The following SHISA9 variants were observed in gnomAD, a reference collection of about 807,000 sequenced individuals.
SHISA9 encodes shisa family member 9.
Under a neutral mutation model 38.0 loss-of-function variants are expected in SHISA9, and 13 were observed. That is an observed-to-expected ratio of 0.34 (90% confidence interval 0.22 to 0.54). The LOEUF is 0.54. Among genes scored for constraint, SHISA9 ranks in the 20% least tolerant of loss-of-function variants. SHISA9 has a pLI of 0.91. For missense variants in SHISA9, 538 were observed against 575.8 expected (o/e 0.93, Z 0.67); for synonymous variants, 275 against 242.0 (o/e 1.14, Z -1.27).
chr16:13,255,485 C>T, the SHISA9 span, among the ~76,000 whole-genome samples: 3 of 152,088 alleles, frequency 2.0e-5, no homozygotes, highest in African/African-American at 7.2e-5. Flanking sequence ...CACATTAAAC[C>T]ATCACTGCCA....
chr16:13,223,081 G>A (rs1402539272), intron 4 of SHISA9, among the ~76,000 whole-genome samples: 3 of 152,120 alleles, frequency 2.0e-5, no homozygotes, highest in Non-Finnish European at 4.4e-5. Flanking sequence ...TCCATCTGCT[G>A]TCAAAGTTTA....
At chr16:13,037,386 T>C (rs927351113) in intron 2 of SHISA9, among the ~76,000 whole-genome samples, 3 of 151,520 alleles carry the variant, frequency 2.0e-5, no homozygotes, top group Non-Finnish European at 4.4e-5. Flanking sequence ...GTTCTCATAC[T>C]ATAGAAACAA....
intron 2 of SHISA9, among the ~76,000 whole-genome samples, chr16:12,946,917 C>T (rs1342713260): frequency 1.3e-5 from 2 of 152,246 alleles, no homozygotes; most frequent in East Asian, 3.9e-4. Flanking sequence ...CACAGACACG[C>T]TCATTTTTTC....
intron 2 of SHISA9, among the ~76,000 whole-genome samples, chr16:13,135,866 G>A (rs1149420): frequency 0.18 from 27,608 of 152,072 alleles, 2,621 homozygotes; most frequent in African/African-American, 0.2. Context: ...CCATTTTGTT[G>A]CTTAAGGGTT....
the SHISA9 span, among the ~76,000 whole-genome samples, chr16:13,355,057 A>G: frequency 4.0e-5 from 6 of 149,826 alleles, no homozygotes; most frequent in Admixed American, 1.3e-4. Context: ...TTTGAGATCT[A>G]GAACAGAATA....
At chr16:13,430,132 C>T in the SHISA9 span, among the ~76,000 whole-genome samples, 8 of 152,168 alleles carry the variant, frequency 5.3e-5, no homozygotes, top group Non-Finnish European at 1.2e-4. Context: ...AAAAAATAAC[C>T]CTGCTGACAC....
At chr16:13,157,550 A>T (rs1372025078) in intron 2 of SHISA9, among the ~76,000 whole-genome samples, 1 of 152,210 alleles carries the variant, frequency 6.6e-6, no homozygotes, top group African/African-American at 2.4e-5. Flanking sequence ...GAATTCATAC[A>T]TGGAAAGTAC....
rs1034228391 is a variant in SHISA9 at position 13,023,829 on chromosome 16, T to C, written c.691+107014T>C. The stretch of plus-strand genomic sequence containing the variant: ...TCCATAGATGAAAGACCTCTTTTTC[T>C]AAATGAGGTCACATTCATAGGTTCT... On this transcript the variant is annotated intron_variant, in intron 2 of 4. Transcript: ENST00000558583. Among the ~76,000 whole-genome samples the C allele has an allele frequency of 5.9e-5, 9 of 152,340 alleles. No homozygotes were observed. The East Asian group carries it at 1.5e-3, about 26-fold the overall frequency.
At chr16:13,268,587 C>A in the SHISA9 span, among the ~76,000 whole-genome samples, 1 of 152,080 alleles carries the variant, frequency 6.6e-6, no homozygotes, top group African/African-American at 2.4e-5. Flanking sequence ...TAATGTTCCC[C>A]ATGTAGAGGA....
chr16:13,080,004 G>A (rs1489824265), intron 2 of SHISA9, among the ~76,000 whole-genome samples: 1 of 152,150 alleles, frequency 6.6e-6, no homozygotes, highest in Non-Finnish European at 1.5e-5. Context: ...CCTTTGAGAA[G>A]GGAAGGCCGG....
At chr16:13,416,138 C>A in the SHISA9 span, among the ~76,000 whole-genome samples, 2 of 151,838 alleles carry the variant, frequency 1.3e-5, no homozygotes, top group African/African-American at 4.8e-5. Context: ...TGAAAAAAAA[C>A]CTCAAAAAGT....
At chr16:13,560,338 A>G in the SHISA9 span, among the ~76,000 whole-genome samples, 2 of 152,204 alleles carry the variant, frequency 1.3e-5, no homozygotes, top group South Asian at 2.1e-4. Context: ...ACCAATCACC[A>G]TAGCCAGGAG....
At chr16:13,254,815 C>T in the SHISA9 span, among the ~76,000 whole-genome samples, 1 of 152,330 alleles carries the variant, frequency 6.6e-6, no homozygotes, top group African/African-American at 2.4e-5. Flanking sequence ...ACAGTCCCTT[C>T]CGGGCTTGTT....
intron 4 of SHISA9, among the ~76,000 whole-genome samples, chr16:13,213,928 T>C (rs2051143794): frequency 6.6e-6 from 1 of 152,188 alleles, no homozygotes; most frequent in Admixed American, 6.5e-5. Flanking sequence ...TCTATGATGA[T>C]CAGGCTGTGT....
chr16:13,012,128 T>C (rs2072685121), intron 2 of SHISA9, among the ~76,000 whole-genome samples: 1 of 151,486 alleles, frequency 6.6e-6, no homozygotes, highest in South Asian at 2.1e-4. Context: ...GCCCAGCCCT[T>C]TTTTTTTTCT....
Position 13,213,280 on chromosome 16 carries a change from C to T in SHISA9, c.875C>T (p.Ser292Leu), listed in dbSNP as rs751228461. ...AGTTCTGATGGTGACTGGGCAGTATCGACACTTAAGTCACCAAAAGGTACT... is the reference window on the plus strand; with the variant it reads ...AGTTCTGATGGTGACTGGGCAGTATTGACACTTAAGTCACCAAAAGGTACT... ...VGSSDGDWAVSTLKSPKADKV... is the reference protein window; with the variant it reads ...VGSSDGDWAVLTLKSPKADKV... Residue 292 changes from serine (S) to leucine (L), a missense_variant, in exon 4 of 5, where the codon TCG becomes TTG. Physicochemically the swap from Ser to Leu is moderately radical, Grantham distance 145. Around this residue, in one of 4 missense-constraint regions of SHISA9, gnomAD observed 326 missense variants for 305.9 expected, o/e 1.07. Coordinates refer to ENST00000558583, the MANE Select transcript of SHISA9 (RefSeq NM_001145204.3). 5.3e-5 allele frequency: 82 copies of T among 1,551,682 alleles called. No individual in the cohort carries two copies. The highest frequency in any genetic ancestry group is 6.5e-5 in the Non-Finnish European group (74 of 1,146,994).
chr16:12,949,044 G>A (rs889795634), intron 2 of SHISA9, among the ~76,000 whole-genome samples: 2 of 152,136 alleles, frequency 1.3e-5, no homozygotes, highest in African/African-American at 4.8e-5. Context: ...CTGCATGGCT[G>A]TGTGGTAGGA....
the SHISA9 span, among the ~76,000 whole-genome samples, chr16:13,429,001 A>C: frequency 6.6e-6 from 1 of 152,060 alleles, no homozygotes; most frequent in African/African-American, 2.4e-5. Flanking sequence ...TCCCAGCCTC[A>C]AGTTATCTGC....
the SHISA9 span, among the ~76,000 whole-genome samples, chr16:13,356,575 A>G: frequency 6.6e-6 from 1 of 152,130 alleles, no homozygotes; most frequent in South Asian, 2.1e-4. Flanking sequence ...GTGGAGGAGC[A>G]GAGGCTGAGG....
Sources: allele counts gnomAD v4.1 joint callset (sites outside exome capture counted in the v4.1 genomes callset), GRCh38; gene constraint gnomAD v4.1.1; regional missense constraint gnomAD v4.1.1; transcripts MANE v1.5; gene names NCBI Gene and HGNC (gene_info 2026-07-23, HGNC 2026-07-21).